The following CSMD3 variants were observed in gnomAD, a reference collection of about 807,000 sequenced individuals.
The protein encoded by CSMD3 is CUB and sushi domain-containing protein 3.
A neutral mutation model predicts 435.2 loss-of-function variants in CSMD3; 177 were observed. That is an observed-to-expected ratio of 0.41 (90% CI 0.36 to 0.46). CSMD3 has a LOEUF of 0.46. Ranked by LOEUF, CSMD3 falls within the 20% of genes least tolerant of loss-of-function variation. The pLI is 0.34. For missense variants in CSMD3, 4,265 were observed against 4,504.6 expected (o/e 0.95, Z 1.52); for synonymous variants, 1,656 against 1,520.5 (o/e 1.09, Z -2.07).
At chr8:113,399,084 T>A in intron 1 of CSMD3, among the ~76,000 whole-genome samples, 1 of 65,320 alleles carries the variant, frequency 1.5e-5, no homozygotes. Context: ...AGTTCATATA[T>A]ATATATATAT....
intron 15 of CSMD3, 57 bp from the exon 16 acceptor site, chr8:112,682,693 A>T: frequency 1.7e-6 from 2 of 1,161,284 alleles, no homozygotes; most frequent in Admixed American, 3.4e-5. Flanking sequence ...CCAGAGAGAG[A>T]TCCTTCTATA....
At chr8:113,312,694 T>C (rs1354410193) in intron 2 of CSMD3, 3 of 152,196 alleles carry the variant, frequency 2.0e-5, no homozygotes, top group Admixed American at 6.5e-5. Flanking sequence ...AGGAAAATTA[T>C]ATCCCACAGA....
At chr8:112,630,184 T>A (rs2074475212) in intron 22 of CSMD3, among the ~76,000 whole-genome samples, 1 of 152,042 alleles carries the variant, frequency 6.6e-6, no homozygotes, top group Non-Finnish European at 1.5e-5. Context: ...ACAGAAACCA[T>A]GAGAAAGTAA....
At chr8:113,249,776 A>G (rs560596227) in intron 3 of CSMD3, among the ~76,000 whole-genome samples, 17 of 152,000 alleles carry the variant, frequency 1.1e-4, no homozygotes, top group Admixed American at 3.3e-4. Context: ...TACTCTTGCC[A>G]TAAGTCTTTG....
chr8:112,410,290 CA>C, intron 32 of CSMD3, among the ~76,000 whole-genome samples: 1 of 134 alleles, frequency 7.5e-3, no homozygotes, highest in South Asian at 0.5. Context: ...CGTTTCTGAA[CA>C]TTGGCTGTGC....
chr8:113,015,835 T>C (rs2086436036), intron 6 of CSMD3, among the ~76,000 whole-genome samples: 1 of 151,806 alleles, frequency 6.6e-6, no homozygotes, highest in East Asian at 1.9e-4. Context: ...GAATAGAGTT[T>C]AGTTTATACT....
intron 4 of CSMD3, among the ~76,000 whole-genome samples, chr8:113,172,894 C>T (rs1478637160): frequency 1.3e-5 from 2 of 152,170 alleles, no homozygotes; most frequent in African/African-American, 2.4e-5. Flanking sequence ...CATCCATGTG[C>T]TTAGCTAATG....
chr8:113,411,004 GAAAA>G (rs1260329966), intron 1 of CSMD3, among the ~76,000 whole-genome samples: 1 of 147,956 alleles, frequency 6.8e-6, no homozygotes, highest in Admixed American at 6.8e-5. Flanking sequence ...AAGAAAGAAA[GAAAA>G]GAAAGAAAAA....
At chr8:112,383,922 A>G (rs1450536519) in intron 36 of CSMD3, among the ~76,000 whole-genome samples, 1 of 152,194 alleles carries the variant, frequency 6.6e-6, no homozygotes, top group Non-Finnish European at 1.5e-5. Context: ...TCACTATCTC[A>G]GAACATTCTC....
intron 3 of CSMD3, among the ~76,000 whole-genome samples, chr8:113,181,476 A>C (rs1355716037): frequency 6.6e-6 from 1 of 152,088 alleles, no homozygotes; most frequent in East Asian, 1.9e-4. Flanking sequence ...ACCATATACA[A>C]GGACAAGTCA....
intron 63 of CSMD3, 138 bp downstream of exon 63, chr8:112,254,115 T>G (rs1815554659): frequency 1.4e-6 from 1 of 737,452 alleles, no homozygotes; most frequent in Non-Finnish European, 2.4e-6. Context: ...ACTCTTTTGC[T>G]GTCTGTTACC....
chr8:112,686,486 AT>A (rs763068444), intron 14 of CSMD3, among the ~76,000 whole-genome samples: 1,885 of 141,496 alleles, frequency 0.013, 31 homozygotes, highest in East Asian at 0.069. Flanking sequence ...TTTTCATTAC[AT>A]TTTTTTTTTT....
Position 113,156,513 on chromosome 8 carries a change from T to G in CSMD3, c.709+17209A>C, listed in dbSNP as rs1327043594. Among the ~76,000 whole-genome samples, 3 of 151,892 alleles carry G rather than the reference T, an allele frequency of 2.0e-5. No individual in the cohort carries two copies. The East Asian group carries it at 5.8e-4, about 29-fold the overall frequency. ...AGCATACTAAAAAAAAATTAATATA[T>G]TGTTAGAAGTTCTTGTCTACTCTTT... On this transcript the variant is annotated intron_variant, in intron 4 of 70. Transcript: ENST00000297405.
rs539159188 is a variant in CSMD3, at chr8:112,306,047, A to G, written c.8031T>C (p.Asp2677=). ...KELTTAVCQS[D]GTWSNHNKTP... ...TCTTGTTATGATTGCTCCATGTTCC[A>G]TCTGATTGGCATACAGCTGTAGTGA... Residue 2677 remains aspartate (D), a synonymous_variant, in exon 51 of 71, where the codon GAT becomes GAC. Transcript: ENST00000297405. 1 of 1,613,890 alleles carries G rather than the reference A, an allele frequency of 6.2e-7. No homozygotes were observed. The highest frequency in any genetic ancestry group is 1.7e-5 in the Admixed American group (1 of 59,990).
chr8:113,090,735 G>T (rs982336982), intron 5 of CSMD3, among the ~76,000 whole-genome samples: 3 of 152,058 alleles, frequency 2.0e-5, no homozygotes, highest in African/African-American at 7.2e-5. Flanking sequence ...TAACAAGCCT[G>T]CTGTAGAAAA....
At chr8:112,342,971 T>TTATATATA (rs1159933349) in intron 41 of CSMD3, among the ~76,000 whole-genome samples, 22 of 92,404 alleles carry the variant, frequency 2.4e-4, no homozygotes, top group Admixed American at 7.7e-4. Context: ...TTGAAATGTA[T>TTATATATA]TATATATATA....
intron 5 of CSMD3, among the ~76,000 whole-genome samples, chr8:113,091,407 T>C (rs1205696200): frequency 1.3e-5 from 2 of 152,110 alleles, no homozygotes; most frequent in African/African-American, 4.8e-5. Flanking sequence ...CCCAGGCTTT[T>C]CTTTACTGGA....
intron 28 of CSMD3, 134 bp downstream of exon 28, chr8:112,516,900 C>A: frequency 4.4e-6 from 3 of 683,576 alleles, no homozygotes; most frequent in Admixed American, 2.6e-5. Flanking sequence ...GTACATTCTG[C>A]GGAGGTTAAT....
intron 1 of CSMD3, among the ~76,000 whole-genome samples, chr8:113,377,914 A>G (rs1255371730): frequency 1.3e-5 from 2 of 152,204 alleles, no homozygotes; most frequent in Non-Finnish European, 2.9e-5. Flanking sequence ...AGCACGCCTG[A>G]AAATGGTGTG....
Sources: allele counts gnomAD v4.1 joint callset (sites outside exome capture counted in the v4.1 genomes callset), GRCh38; gene constraint gnomAD v4.1.1; transcripts MANE v1.5; gene names NCBI Gene and HGNC (gene_info 2026-07-23, HGNC 2026-07-21).